The following CEP112 variants were observed in gnomAD, a reference collection of about 807,000 sequenced individuals.
The protein encoded by CEP112 is centrosomal protein of 112 kDa.
In CEP112, 127 loss-of-function variants were observed where a neutral mutation model predicts 153.0. The ratio of observed to expected loss-of-function variants is 0.83; its 90% CI spans 0.72 to 0.96. The LOEUF (loss-of-function observed/expected upper bound fraction) is 0.96, where lower values mean the gene tolerates loss of function less well. Ranked by LOEUF, CEP112 falls within the 40% of genes least tolerant of loss-of-function variation. The pLI, the probability that CEP112 is intolerant of heterozygous loss-of-function variation, is 0.00. For missense variants in CEP112, 1,089 were observed against 1,101.2 expected, an observed-to-expected ratio of 0.99 and a Z score of 0.16; for synonymous variants, 358 against 374.4, an observed-to-expected ratio of 0.96 and a Z score of 0.51.
chr17:66,068,065 A>C (rs1234731461), intron 9 of CEP112, among the ~76,000 whole-genome samples: 1 of 152,200 alleles, frequency 6.6e-6, no homozygotes, highest in African/African-American at 2.4e-5. Context: ...ATCTATTGTT[A>C]ATTTATATTA....
At chr17:65,743,313 A>C in intron 22 of CEP112, 96 bp from the exon 23 acceptor site, 1 of 901,780 alleles carries the variant, frequency 1.1e-6, no homozygotes. Context: ...GATTTGACAA[A>C]ACTCTATTCC....
At chr17:65,654,911 A>C in intron 24 of CEP112, 1 of 575,184 alleles carries the variant, frequency 1.7e-6, no homozygotes. Context: ...AAGACTCAGA[A>C]GAGGAACTCG....
chr17:65,916,713 AT>A (rs67312385), intron 19 of CEP112, among the ~76,000 whole-genome samples: 184 of 147,126 alleles, frequency 1.3e-3, no homozygotes, highest in African/African-American at 3.2e-3. Context: ...TGCCAGTCTA[AT>A]TTTTTTTTTT....
chr17:65,782,121 T>C (rs2054029968), intron 21 of CEP112, among the ~76,000 whole-genome samples: 1 of 151,940 alleles, frequency 6.6e-6, no homozygotes, highest in African/African-American at 2.4e-5. Flanking sequence ...CAAAGGTCCA[T>C]CCAGAATCTA....
At chr17:66,107,710 C>T (rs1014274488) in intron 6 of CEP112, among the ~76,000 whole-genome samples, 4 of 152,026 alleles carry the variant, frequency 2.6e-5, no homozygotes, top group Non-Finnish European at 5.9e-5. Context: ...GTTAAAATGT[C>T]CATACTACCC....
At chr17:65,904,564 G>T (rs539058900) in intron 19 of CEP112, among the ~76,000 whole-genome samples, 1 of 152,106 alleles carries the variant, frequency 6.6e-6, no homozygotes, top group Non-Finnish European at 1.5e-5. Context: ...TCCCCATCAA[G>T]CTACCATTGA....
At chr17:66,189,807 G>C (rs2073093921) in intron 1 of CEP112, among the ~76,000 whole-genome samples, 1 of 152,140 alleles carries the variant, frequency 6.6e-6, no homozygotes, top group Non-Finnish European at 1.5e-5. Context: ...AAGGTGAGTG[G>C]ATCATTTGAT....
intron 4 of CEP112, among the ~76,000 whole-genome samples, chr17:66,160,197 A>G (rs1031856226): frequency 1.3e-5 from 2 of 152,222 alleles, no homozygotes; most frequent in Non-Finnish European, 2.9e-5. Flanking sequence ...CAGAGAGGAC[A>G]CAAACAAATG....
chr17:65,785,789 A>G (rs2054247616), intron 21 of CEP112, among the ~76,000 whole-genome samples: 1 of 152,078 alleles, frequency 6.6e-6, no homozygotes, highest in African/African-American at 2.4e-5. Flanking sequence ...AAAGTTTTAT[A>G]GTTTTACCAT....
chr17:65,873,698 C>G (rs1025565018), intron 20 of CEP112: 1 of 152,180 alleles, frequency 6.6e-6, no homozygotes. Context: ...TATGACCTAA[C>G]CTTTATTCCA....
intron 8 of CEP112, among the ~76,000 whole-genome samples, chr17:66,093,340 CTAAA>C (rs762719829): frequency 3.3e-5 from 5 of 151,634 alleles, no homozygotes; most frequent in South Asian, 2.1e-4. Context: ...TGACTGTCTC[CTAAA>C]TAAATAAATA....
intron 5 of CEP112, among the ~76,000 whole-genome samples, chr17:66,131,504 G>C (rs1051941691): frequency 1.3e-5 from 2 of 152,304 alleles, no homozygotes; most frequent in Admixed American, 1.3e-4. Context: ...CACTTTGGGA[G>C]GCTGAGGCGG....
At chr17:65,969,405 T>C (rs1419761796) in intron 17 of CEP112, among the ~76,000 whole-genome samples, 1 of 152,230 alleles carries the variant, frequency 6.6e-6, no homozygotes, top group Middle Eastern at 3.2e-3. Context: ...ACCACATGCA[T>C]ATCACATACA....
chr17:65,943,940 CCTGT>C (rs754313731), intron 18 of CEP112, among the ~76,000 whole-genome samples: 1 of 152,110 alleles, frequency 6.6e-6, no homozygotes, highest in Non-Finnish European at 1.5e-5. Context: ...ATCTTTTCTG[CCTGT>C]CTTATTTCAG....
intron 24 of CEP112, among the ~76,000 whole-genome samples, chr17:65,685,302 C>G (rs1292402743): frequency 2.0e-5 from 3 of 152,068 alleles, no homozygotes; most frequent in Non-Finnish European, 2.9e-5. Flanking sequence ...TTTATAGAAT[C>G]AAAACATAGA....
At chr17:65,998,879 C>T (rs1003511592) in intron 17 of CEP112, among the ~76,000 whole-genome samples, 2 of 152,058 alleles carry the variant, frequency 1.3e-5, no homozygotes, top group African/African-American at 2.4e-5. Flanking sequence ...GGATGACAAC[C>T]GGGTCCAGAG....
rs116477571 is a variant in CEP112, at chr17:65,885,359, A to G, written c.2163+16793T>C. ...GGCTGAAGATAATATTTATCATTCA[A>G]CAGCAACAGGGCAAAGACGATGTTG... is the stretch of plus-strand genomic sequence containing the variant. On this transcript the variant is annotated intron_variant, in intron 20 of 26. Coordinates refer to ENST00000535342, the MANE Select transcript of CEP112 (RefSeq NM_001199165.4). Among the ~76,000 whole-genome samples the G allele has an allele frequency of 8.7e-3, 1,326 of 152,338 alleles. 20 individuals carry two copies. Among genetic ancestry groups the G allele is most frequent in the African/African-American group, 0.03 (1,256 of 41,572 alleles).
At chr17:65,827,222 C>G (rs903461862) in intron 21 of CEP112, among the ~76,000 whole-genome samples, 3 of 152,202 alleles carry the variant, frequency 2.0e-5, no homozygotes, top group Non-Finnish European at 4.4e-5. Context: ...GGACTGGCTT[C>G]CCTGCTCCTC....
chr17:65,848,930 C>T (rs1479527947), intron 21 of CEP112, among the ~76,000 whole-genome samples: 1 of 152,178 alleles, frequency 6.6e-6, no homozygotes, highest in Non-Finnish European at 1.5e-5. Context: ...CTGGATTAAT[C>T]CAGTCCTTGT....
Sources: gnomAD v4.1 joint callset for allele counts (sites outside exome capture counted in the v4.1 genomes callset) on GRCh38, gnomAD v4.1.1 for gene constraint, MANE v1.5 for transcripts, NCBI Gene and HGNC (gene_info 2026-07-23, HGNC 2026-07-21) for gene names.